Variants in CACYBP observed in about 807,000 individuals in gnomAD.
The protein encoded by CACYBP is calcyclin binding protein.
A neutral mutation model predicts 29.6 loss-of-function variants in CACYBP; 11 were observed. That is an observed-to-expected ratio of 0.37 (90% CI 0.23 to 0.61). The LOEUF (loss-of-function observed/expected upper bound fraction) is 0.61, where lower values mean the gene tolerates loss of function less well. Ranked by LOEUF, CACYBP falls within the 20% of genes least tolerant of loss-of-function variation. The pLI is 0.65. For synonymous variants in CACYBP, 73 were observed against 88.3 expected (o/e 0.83, Z 0.97); for missense variants, 163 against 260.7 (o/e 0.63, Z 2.58).
Position 175,010,299 on chromosome 1 carries a change from A to T in CACYBP, c.*220A>T, listed in dbSNP as rs1474854629. On this transcript the variant is annotated 3_prime_UTR_variant, in exon 6 of 6. Coordinates refer to ENST00000367679, the MANE Select transcript of CACYBP (RefSeq NM_014412.3). ...AGATGGTTTTATTAGTACCCTGGTC[A>T]TTTTGTTCAAGGAAGGGTTATATTG... 2.7e-6 allele frequency: 1 copy of T among 366,838 alleles called. No homozygotes were observed. The highest frequency in any genetic ancestry group is 4.9e-6 in the Non-Finnish European group (1 of 204,960). The allele number at this position is 366,838 out of a possible 1,614,324, so 22.7% of individuals were successfully genotyped here.
In CACYBP at chr1:175,011,106, T is replaced by TAAAAAAAAAAAAAAAAAAAAAAAAAAAA; in HGVS notation, c.*1048_*1049insAAAAAAAAAAAAAAAAAAAAAAAAAAAA. On this transcript the variant is annotated 3_prime_UTR_variant, in exon 6 of 6. Coordinates refer to ENST00000367679, the MANE Select transcript of CACYBP (RefSeq NM_014412.3). ...GTAACAGATTGAGAACCTGTCTCAT[T>TAAAAAAAAAAAAAAAAAAAAAAAAAAAA]AAAAAAAAAAAAAAAAAAAAAGCCG... The TAAAAAAAAAAAAAAAAAAAAAAAAAAAA allele has an allele frequency of 1.2e-5, 1 of 85,246 alleles. No individual in the cohort carries two copies. The highest frequency in any genetic ancestry group is 7.6e-3 in the Middle Eastern group (1 of 132). The allele number at this position is 85,246 out of a possible 1,614,324, so 5.3% of individuals were successfully genotyped here.
intron 5 of CACYBP, 87 bp from the exon 6 acceptor site, chr1:175,009,836 C>A: frequency 2.0e-6 from 2 of 1,009,804 alleles, no homozygotes; most frequent in Non-Finnish European, 2.9e-6. Flanking sequence ...TCTTATCCCT[C>A]TACTTCCTGC....
At chr1:175,007,001 C>A in intron 3 of CACYBP, 97 bp from the exon 4 acceptor site, 2 of 932,382 alleles carry the variant, frequency 2.1e-6, no homozygotes, top group South Asian at 1.5e-5. Flanking sequence ...AATGCACACC[C>A]TGAAATAAAG....
chr1:175,004,606 TAACAC>T lies in CACYBP; in HGVS notation c.16-6_16-2del, dbSNP rs1672570499. The T allele has an allele frequency of 3.2e-6, 5 of 1,560,102 alleles. No individual in the cohort carries two copies. The highest frequency in any genetic ancestry group is 2.8e-5 in the African/African-American group (2 of 72,548). On this transcript the variant is annotated splice_region_variant and splice_polypyrimidine_tract_variant and intron_variant, in intron 1 of 5. Transcript: ENST00000367679. ...ATCATAGCTAACTTATTTTTTGTCTTAACACAGCTACAGAAAGATCTAGAAGAGGT... is the reference window on the plus strand; with the variant it reads ...ATCATAGCTAACTTATTTTTTGTCTTAGCTACAGAAAGATCTAGAAGAGGT...
At chr1:175,008,978 CCCCTGT>C (rs1168181163) in intron 5 of CACYBP, 1 of 299,956 alleles carries the variant, frequency 3.3e-6, no homozygotes, top group African/African-American at 2.2e-5. Context: ...GGCTTAGGTA[CCCCTGT>C]ATGTTTTAAA....
chr1:175,001,760 G>A (rs977023975), intron 1 of CACYBP, among the ~76,000 whole-genome samples: 2 of 152,148 alleles, frequency 1.3e-5, no homozygotes, highest in African/African-American at 4.8e-5. Context: ...TTCTTTGTTT[G>A]AGACGGAGTC....
chr1:175,000,505 TC>T, intron 1 of CACYBP: 1 of 1,290,774 alleles, frequency 7.7e-7, no homozygotes, highest in Non-Finnish European at 9.8e-7. Flanking sequence ...TCAGGCCCTT[TC>T]TGCCCTGGTT....
Position 175,004,947 on chromosome 1 carries a change from A to G in CACYBP, c.235+114A>G, listed in dbSNP as rs1041899221. 5 of 763,588 alleles carry G rather than the reference A, an allele frequency of 6.5e-6. No homozygotes were observed. In the African/African-American group the frequency reaches 6.9e-5, roughly 11 times the overall value. The allele number at this position is 763,588 out of a possible 1,614,324, so 47.3% of individuals were successfully genotyped here. A position where few individuals can be genotyped will look rare whatever the true frequency, so the allele number is the denominator to read the frequency against. ...GTCTGTGTTTTTGGTGGTTTGGAGC[A>G]AGACCCATCAGTTTTTATTTAATAA... On this transcript the variant is annotated intron_variant, in intron 2 of 5. Coordinates refer to ENST00000367679, the MANE Select transcript of CACYBP (RefSeq NM_014412.3).
intron 4 of CACYBP, 67 bp downstream of exon 4, chr1:175,007,264 C>A: frequency 1.1e-6 from 1 of 897,706 alleles, no homozygotes; most frequent in Non-Finnish European, 1.8e-6. Flanking sequence ...TGATTTAGAA[C>A]TGAGATGAAC....
upstream of CACYBP, chr1:174,999,814 C>T (rs1035909458): frequency 7.3e-6 from 3 of 409,118 alleles, no homozygotes; most frequent in African/African-American, 2.3e-5. Flanking sequence ...TTACTCTTCT[C>T]GGATTGCCGG....
At chr1:175,004,866 T>G in intron 2 of CACYBP, 33 bp downstream of exon 2, 1 of 1,341,106 alleles carries the variant, frequency 7.5e-7, no homozygotes, top group Non-Finnish European at 1.1e-6. Context: ...CAGTTCTGCC[T>G]CCGAGCAACC....
intron 1 of CACYBP, 68 bp downstream of exon 1, chr1:175,000,263 C>G: frequency 6.4e-7 from 1 of 1,550,648 alleles, no homozygotes; most frequent in Non-Finnish European, 8.7e-7. Flanking sequence ...TCCCGCCCTA[C>G]CGCCGTTTCC....
chr1:175,008,803 C>G, intron 5 of CACYBP, 97 bp downstream of exon 5: 1 of 707,380 alleles, frequency 1.4e-6, no homozygotes. Flanking sequence ...TTTCTGCTTT[C>G]AACTGTCAAA....
intron 1 of CACYBP, chr1:175,000,464 G>A (rs912066966): frequency 7.3e-6 from 10 of 1,361,154 alleles, no homozygotes; most frequent in Non-Finnish European, 9.4e-6. Flanking sequence ...CGGGGAGTGG[G>A]TCTGGGAGAG....
upstream of CACYBP, chr1:174,999,775 T>G (rs1185859545): frequency 1.9e-5 from 6 of 317,146 alleles, no homozygotes; most frequent in Non-Finnish European, 3.6e-5. Context: ...TTATAATACA[T>G]AAAAGTTGTC....
intron 1 of CACYBP, chr1:175,000,607 C>T: frequency 9.2e-7 from 1 of 1,090,612 alleles, no homozygotes; most frequent in Non-Finnish European, 1.1e-6. Flanking sequence ...AAGGTGAGTT[C>T]TCAGTGCTAG....
chr1:175,006,670 G>A (rs147046880), intron 2 of CACYBP, 75 bp from the exon 3 acceptor site: 112 of 720,550 alleles, frequency 1.6e-4, no homozygotes, highest in African/African-American at 6.6e-4. Context: ...CCTGACTTAT[G>A]AGCCATGTGC....
In CACYBP at chr1:175,006,786, T is replaced by G; in HGVS notation, c.277T>G (p.Leu93Val). The G allele has an allele frequency of 1.2e-6, 2 of 1,607,036 alleles. No homozygotes were observed. The highest frequency in any genetic ancestry group is 1.1e-5 in the South Asian group (1 of 90,902). The change falls in exon 3 of 6, where the codon TTA becomes GTA. Residue 93 changes from leucine (L) to valine (V), a missense_variant. Physicochemically the swap from Leu to Val is conservative, Grantham distance 32 (BLOSUM62 1). Coordinates refer to ENST00000367679, the MANE Select transcript of CACYBP (RefSeq NM_014412.3). ...SDKFVKIYIT[L>V]TGVHQVPTEN... ...TAAGTTTGTGAAAATCTACATTACC[T>G]TAACTGGAGTTCATCAAGTTCCCAC...
At position 175,005,462 on chromosome 1, in the gene CACYBP, A is replaced by G. The variant is rs550580830; in HGVS notation, c.235+629A>G. Among the ~76,000 whole-genome samples, 9 of 152,300 alleles carry G rather than the reference A, an allele frequency of 5.9e-5. No individual in the cohort carries two copies. In the South Asian group the frequency reaches 1.7e-3, roughly 28 times the overall value. On this transcript the variant is annotated intron_variant, in intron 2 of 5. Coordinates refer to ENST00000367679, the MANE Select transcript of CACYBP (RefSeq NM_014412.3). Reference sequence around the variant, plus strand: ...TCTTTGTGCTAATAATGTCTAGCACATAATAGGTAACATAGCTGAAGAAAT... The same window carrying G: ...TCTTTGTGCTAATAATGTCTAGCACGTAATAGGTAACATAGCTGAAGAAAT...
Sources: allele counts gnomAD v4.1 joint callset (sites outside exome capture counted in the v4.1 genomes callset), GRCh38; gene constraint gnomAD v4.1.1; transcripts MANE v1.5; gene names NCBI Gene and HGNC (gene_info 2026-07-23, HGNC 2026-07-21).